The following FHDC1 variants were observed in gnomAD, a reference collection of about 807,000 sequenced individuals.
The protein encoded by FHDC1 is FH2 domain containing 1.
FHDC1 carries 25 observed loss-of-function variants against 52.6 expected under a neutral mutation model. That is an observed-to-expected ratio of 0.48 (90% confidence interval 0.35 to 0.66). The LOEUF is 0.66. Ranked by LOEUF, FHDC1 falls within the 30% of genes least tolerant of loss-of-function variation. FHDC1 has a pLI of 0.01. For missense variants in FHDC1, 1,459 were observed against 1,452.8 expected (o/e 1.00, Z -0.07); for synonymous variants, 616 against 581.5 (o/e 1.06, Z -0.85).
chr4:152,953,596 T>G (rs759170266), intron 3 of FHDC1, 36 bp downstream of exon 3: 1 of 1,548,126 alleles, frequency 6.5e-7, no homozygotes, highest in Non-Finnish European at 8.9e-7. Context: ...TTTAGTCATA[T>G]CCCTGCTGTC....
intron 9 of FHDC1, among the ~76,000 whole-genome samples, chr4:152,966,867 C>T (rs971926450): frequency 1.3e-5 from 2 of 152,200 alleles, no homozygotes; most frequent in Non-Finnish European, 2.9e-5. Context: ...TGCCTGTGAT[C>T]CCAGCACTTT....
intron 1 of FHDC1, among the ~76,000 whole-genome samples, chr4:152,940,601 G>A (rs1739548738): frequency 6.6e-6 from 1 of 152,180 alleles, no homozygotes; most frequent in African/African-American, 2.4e-5. Flanking sequence ...GTGAGGTTTA[G>A]TGGCGCATCT....
At chr4:152,971,455 G>T (rs1405320034) in intron 10 of FHDC1, among the ~76,000 whole-genome samples, 2 of 152,180 alleles carry the variant, frequency 1.3e-5, no homozygotes, top group African/African-American at 4.8e-5. Flanking sequence ...TCCTCATGCA[G>T]CTCCCCATGT....
At chr4:152,947,216 C>CA (rs781228959) in intron 2 of FHDC1, among the ~76,000 whole-genome samples, 2,521 of 69,538 alleles carry the variant, frequency 0.036, 45 homozygotes, top group African/African-American at 0.083. Flanking sequence ...AAGACTGTCT[C>CA]AAAAAAAAAA....
intron 9 of FHDC1, among the ~76,000 whole-genome samples, chr4:152,965,303 G>A (rs1352597674): frequency 6.6e-6 from 1 of 152,206 alleles, no homozygotes; most frequent in Non-Finnish European, 1.5e-5. Context: ...TTGGGAGTTG[G>A]TATATATCAA....
intron 1 of FHDC1, among the ~76,000 whole-genome samples, chr4:152,938,332 T>C (rs1739464536): frequency 6.6e-6 from 1 of 151,992 alleles, no homozygotes; most frequent in South Asian, 2.1e-4. Context: ...TGAAGGCGCT[T>C]ACTGGGAACG....
chr4:152,967,085 T>C (rs1428951114), intron 9 of FHDC1, among the ~76,000 whole-genome samples: 1 of 151,906 alleles, frequency 6.6e-6, no homozygotes, highest in Non-Finnish European at 1.5e-5. Context: ...TTGCCACTGC[T>C]CTTCAGCTTG....
At chr4:152,962,985 G>GTGTGTGTGTGTGTGTGTGTT in intron 7 of FHDC1, 38 bp from the exon 8 acceptor site, 1 of 1,352,262 alleles carries the variant, frequency 7.4e-7, no homozygotes, top group Non-Finnish European at 1.0e-6. Context: ...GTGTGTGTAT[G>GTGTGTGTGTGTGTGTGTGTT]TATACATAAT....
At chr4:152,912,632 A>G in the FHDC1 span, among the ~76,000 whole-genome samples, 4 of 152,194 alleles carry the variant, frequency 2.6e-5, no homozygotes, top group Non-Finnish European at 4.4e-5. Flanking sequence ...TGCTGTATAT[A>G]TAAAATGAAA....
chr4:152,962,988 T>C (rs763057872), intron 7 of FHDC1, 35 bp from the exon 8 acceptor site: 2 of 1,574,876 alleles, frequency 1.3e-6, no homozygotes, highest in South Asian at 1.1e-5. Flanking sequence ...TGTGTATGTA[T>C]ACATAATTTT....
intron 1 of FHDC1, among the ~76,000 whole-genome samples, chr4:152,937,643 G>C (rs957636759): frequency 1.3e-5 from 2 of 151,630 alleles, no homozygotes; most frequent in Non-Finnish European, 2.9e-5. Context: ...CGCAGTCCCC[G>C]CCCCGCAGGC....
chr4:152,941,142 C>T (rs1739563728), intron 1 of FHDC1, among the ~76,000 whole-genome samples: 2 of 152,152 alleles, frequency 1.3e-5, no homozygotes, highest in African/African-American at 2.4e-5. Context: ...TGCCATTTTC[C>T]TCCCATATAG....
the FHDC1 span, among the ~76,000 whole-genome samples, chr4:152,922,941 C>T: frequency 2.0e-5 from 3 of 151,942 alleles, no homozygotes; most frequent in Admixed American, 2.0e-4. Context: ...CCTTTGAAAA[C>T]TGGCACAAGA....
intron 11 of FHDC1, among the ~76,000 whole-genome samples, chr4:152,973,091 G>A (rs908526): frequency 0.74 from 112,231 of 152,102 alleles, 42,254 homozygotes; most frequent in Non-Finnish European, 0.83. Flanking sequence ...TACTGAGCAA[G>A]ACAGCTACCT....
chr4:152,931,453 AAAACACAC>A (rs1480981523), upstream of FHDC1, among the ~76,000 whole-genome samples: 2 of 101,334 alleles, frequency 2.0e-5, no homozygotes, highest in African/African-American at 9.1e-5. Flanking sequence ...TCCAGCCTCT[AAAACACAC>A]ACACACACAC....
At chr4:152,940,478 C>G (rs1463355642) in intron 1 of FHDC1, among the ~76,000 whole-genome samples, 1 of 152,258 alleles carries the variant, frequency 6.6e-6, no homozygotes, top group Non-Finnish European at 1.5e-5. Flanking sequence ...CTGTGCAAAG[C>G]ACAGTACTAA....
At position 152,975,201 on chromosome 4, in the gene FHDC1, C is replaced by T. The variant is rs777638234; in HGVS notation, c.1910C>T (p.Ala637Val). 2 of 1,613,308 alleles carry T rather than the reference C, an allele frequency of 1.2e-6. No homozygotes were observed. Among genetic ancestry groups the T allele is most frequent in the Middle Eastern group, 1.6e-4 (1 of 6,062 alleles). The change falls in exon 12 of 12, where the codon GCT (alanine) becomes GTT (valine). Residue 637 changes from alanine to valine, a missense_variant. By Grantham distance (64) the Ala-to-Val change is moderately conservative. Around this residue, in one of 3 missense-constraint regions of FHDC1, gnomAD observed 939 missense variants for 854.5 expected, o/e 1.10. Coordinates refer to ENST00000511601, the MANE Select transcript of FHDC1 (RefSeq NM_001371116.1). ...AACCATGCCTCTGCCTTCCCCAGAG[C>T]TCGGCGCCAGGGCGTCAGTGTCCTC... The part of the protein sequence containing the change: ...PENHASAFPR[A>V]RRQGVSVLRK...
At chr4:152,948,580 G>C (rs916590429) in intron 2 of FHDC1, among the ~76,000 whole-genome samples, 2 of 152,168 alleles carry the variant, frequency 1.3e-5, no homozygotes, top group Admixed American at 6.5e-5. Context: ...AGCCTCCTGA[G>C]TAGCTGGGAC....
At chr4:152,912,682 C>A in the FHDC1 span, among the ~76,000 whole-genome samples, 1 of 152,120 alleles carries the variant, frequency 6.6e-6, no homozygotes, top group African/African-American at 2.4e-5. Flanking sequence ...GCTGAACAAT[C>A]ACCAACTGGA....
Sources: allele counts gnomAD v4.1 joint callset (sites outside exome capture counted in the v4.1 genomes callset), GRCh38; gene constraint gnomAD v4.1.1; regional missense constraint gnomAD v4.1.1; transcripts MANE v1.5; gene names NCBI Gene and HGNC (gene_info 2026-07-23, HGNC 2026-07-21).